Variants in RANBP2 observed in about 807,000 individuals in gnomAD.
RANBP2 encodes the protein E3 SUMO-protein ligase RanBP2.
Under a neutral mutation model 303.6 loss-of-function variants are expected in RANBP2, and 57 were observed. The ratio of observed to expected loss-of-function variants is 0.19; its 90% CI spans 0.15 to 0.23. The LOEUF (loss-of-function observed/expected upper bound fraction) is 0.23, where lower values mean the gene tolerates loss of function less well. Ranked by LOEUF, RANBP2 falls within the 10% of genes least tolerant of loss-of-function variation. The probability of loss-of-function intolerance (pLI) is 1.00; values close to 1 mark genes in which losing one functional copy is unlikely to be tolerated. For synonymous variants in RANBP2, 1,167 were observed against 1,301.5 expected (o/e 0.90, Z 2.23); for missense variants, 3,138 against 3,780.8 (o/e 0.83, Z 4.46).
At chr2:109,143,500 T>C in the RANBP2 span, among the ~76,000 whole-genome samples, 1 of 152,110 alleles carries the variant, frequency 6.6e-6, no homozygotes, top group East Asian at 1.9e-4. Flanking sequence ...CTCAGAACTT[T>C]AGGAGGTCAA....
At chr2:109,315,149 A>C in the RANBP2 span, among the ~76,000 whole-genome samples, 1 of 152,234 alleles carries the variant, frequency 6.6e-6, no homozygotes, top group Non-Finnish European at 1.5e-5. Flanking sequence ...TACTTTACTG[A>C]GTATAATTAG....
chr2:109,405,463 C>G, the RANBP2 span, among the ~76,000 whole-genome samples: 1 of 152,146 alleles, frequency 6.6e-6, no homozygotes, highest in Non-Finnish European at 1.5e-5. Context: ...GCAGCACTGT[C>G]CATTCCCGTG....
chr2:109,230,472 C>T, the RANBP2 span, among the ~76,000 whole-genome samples: 6 of 152,080 alleles, frequency 3.9e-5, no homozygotes, highest in South Asian at 6.2e-4. Context: ...CCCAGTTACT[C>T]GGGGGGCTGA....
At chr2:108,861,225 C>G in the RANBP2 span, among the ~76,000 whole-genome samples, 1 of 150,020 alleles carries the variant, frequency 6.7e-6, no homozygotes, top group African/African-American at 2.4e-5. Context: ...CTCTTTTTTT[C>G]TTTGTTGATC....
At chr2:108,805,235 C>A in the RANBP2 span, among the ~76,000 whole-genome samples, 1 of 152,098 alleles carries the variant, frequency 6.6e-6, no homozygotes, top group Admixed American at 6.6e-5. Context: ...AAGAAAAAAA[C>A]CTGATAACCT....
chr2:109,641,248 C>T, the RANBP2 span, among the ~76,000 whole-genome samples: 1 of 152,148 alleles, frequency 6.6e-6, no homozygotes, highest in Non-Finnish European at 1.5e-5. Flanking sequence ...AAACGATTCT[C>T]CTGTCTCAGC....
chr2:109,046,052 C>G, the RANBP2 span, among the ~76,000 whole-genome samples: 1 of 152,068 alleles, frequency 6.6e-6, no homozygotes, highest in Non-Finnish European at 1.5e-5. Context: ...CACCTGTAAT[C>G]CCAGCACTTT....
chr2:109,182,578 AT>A, the RANBP2 span, among the ~76,000 whole-genome samples: 1 of 152,228 alleles, frequency 6.6e-6, no homozygotes, highest in African/African-American at 2.4e-5. Flanking sequence ...CACAGGAGAT[AT>A]TTTGCATTAA....
At chr2:108,851,211 C>A in the RANBP2 span, among the ~76,000 whole-genome samples, 1 of 152,168 alleles carries the variant, frequency 6.6e-6, no homozygotes, top group Non-Finnish European at 1.5e-5. Flanking sequence ...TCTGTCCCCT[C>A]CCTGGAGCAC....
chr2:109,231,887 A>G, the RANBP2 span, among the ~76,000 whole-genome samples: 1 of 152,232 alleles, frequency 6.6e-6, no homozygotes, highest in African/African-American at 2.4e-5. Flanking sequence ...TTCACATGCC[A>G]TGTAATTTGC....
the RANBP2 span, among the ~76,000 whole-genome samples, chr2:109,401,054 C>T: frequency 6.6e-6 from 1 of 152,192 alleles, no homozygotes; most frequent in Non-Finnish European, 1.5e-5. Flanking sequence ...GTGTGCACAT[C>T]TGGGGGGTAA....
the RANBP2 span, among the ~76,000 whole-genome samples, chr2:109,357,525 G>A: frequency 4.1e-3 from 624 of 152,290 alleles, 3 homozygotes; most frequent in African/African-American, 0.014. Flanking sequence ...GGATACTGGG[G>A]CTCCTGTGCC....
chr2:109,002,441 A>G, the RANBP2 span, among the ~76,000 whole-genome samples: 2 of 151,122 alleles, frequency 1.3e-5, no homozygotes, highest in African/African-American at 4.9e-5. Flanking sequence ...TCCATCCTCC[A>G]CTCTCAGCTG....
chr2:109,494,794 C>T, the RANBP2 span, among the ~76,000 whole-genome samples: 2 of 152,104 alleles, frequency 1.3e-5, no homozygotes. Context: ...ATTTCTTGGG[C>T]CTTTCCTGTG....
the RANBP2 span, among the ~76,000 whole-genome samples, chr2:109,517,251 C>G: frequency 6.6e-6 from 1 of 152,158 alleles, no homozygotes; most frequent in African/African-American, 2.4e-5. Flanking sequence ...CCCCCTCCCA[C>G]GCCATCGCCC....
At chr2:108,927,111 G>C in the RANBP2 span, among the ~76,000 whole-genome samples, 2 of 152,178 alleles carry the variant, frequency 1.3e-5, no homozygotes, top group Non-Finnish European at 2.9e-5. Flanking sequence ...GCACATCATG[G>C]AGCCAACCTG....
At chr2:109,489,336 C>G in the RANBP2 span, among the ~76,000 whole-genome samples, 1 of 152,246 alleles carries the variant, frequency 6.6e-6, no homozygotes, top group African/African-American at 2.4e-5. Context: ...CCCCCAGACC[C>G]TGGTACAGCT....
At chr2:109,143,983 T>C in the RANBP2 span, among the ~76,000 whole-genome samples, 11 of 152,166 alleles carry the variant, frequency 7.2e-5, no homozygotes, top group African/African-American at 2.7e-4. Flanking sequence ...CTCATTCATA[T>C]CCGGAATCTA....
chr2:109,116,984 G>A, the RANBP2 span, among the ~76,000 whole-genome samples: 14 of 152,258 alleles, frequency 9.2e-5, no homozygotes, highest in East Asian at 3.9e-4. Context: ...CTGATTGTTC[G>A]TCTGGAAGTT....
Sources: allele counts gnomAD v4.1 joint callset (sites outside exome capture counted in the v4.1 genomes callset), GRCh38; gene constraint gnomAD v4.1.1; transcripts MANE v1.5; gene names NCBI Gene and HGNC (gene_info 2026-07-23, HGNC 2026-07-21).